Variants in PDE4D observed in about 807,000 individuals in gnomAD.
The protein encoded by PDE4D is 3',5'-cyclic-AMP phosphodiesterase 4D.
In PDE4D, 24 loss-of-function variants were observed where a neutral mutation model predicts 87.4. That is an observed-to-expected ratio of 0.27 (90% CI 0.20 to 0.39). The LOEUF (loss-of-function observed/expected upper bound fraction) is 0.39. PDE4D is among the 10% of genes least tolerant of loss of function. PDE4D has a pLI of 1.00. For synonymous variants in PDE4D, 384 were observed against 383.2 expected (o/e 1.00, Z -0.02); for missense variants, 714 against 1,041.0 (o/e 0.69, Z 4.32).
chr5:59,250,767 C>T (rs10039990), intron 1 of PDE4D, among the ~76,000 whole-genome samples: 7,124 of 152,092 alleles, frequency 0.047, 236 homozygotes, highest in African/African-American at 0.09. Context: ...ATCACCTTGC[C>T]CAACTTCAAA....
At chr5:59,624,751 AT>A (rs1830704480) in intron 1 of PDE4D, among the ~76,000 whole-genome samples, 1 of 152,218 alleles carries the variant, frequency 6.6e-6, no homozygotes, top group South Asian at 2.1e-4. Context: ...AACTCTTAGC[AT>A]TCCTTTAAGC....
chr5:59,933,787 T>A (rs902744207), intron 3 of PDE4D, among the ~76,000 whole-genome samples: 13 of 109,418 alleles, frequency 1.2e-4, no homozygotes, highest in Non-Finnish European at 2.3e-4. Context: ...TATATATATA[T>A]ATATTAATAA....
At chr5:59,921,676 T>C (rs946968328) in intron 3 of PDE4D, among the ~76,000 whole-genome samples, 6 of 152,212 alleles carry the variant, frequency 3.9e-5, no homozygotes, top group African/African-American at 1.4e-4. Context: ...TCCAGAATTC[T>C]AATTTTGCAT....
chr5:60,071,012 C>G (rs1772655374), intron 2 of PDE4D, among the ~76,000 whole-genome samples: 3 of 151,768 alleles, frequency 2.0e-5, no homozygotes, highest in Admixed American at 6.6e-5. Flanking sequence ...TATTTTGTGG[C>G]ATCATTTGTG....
At chr5:59,827,927 A>T (rs775766826) in intron 1 of PDE4D, among the ~76,000 whole-genome samples, 63 of 152,272 alleles carry the variant, frequency 4.1e-4, no homozygotes, top group Non-Finnish European at 8.5e-4. Flanking sequence ...TTGTATTAAG[A>T]CAGTTAATTG....
intron 6 of PDE4D, among the ~76,000 whole-genome samples, chr5:59,023,724 T>G (rs920224374): frequency 6.6e-6 from 1 of 152,122 alleles, no homozygotes; most frequent in Non-Finnish European, 1.5e-5. Flanking sequence ...ATTAGAGATT[T>G]AAGGTTTGAG....
At chr5:60,392,428 A>T (rs573223068) in intron 1 of PDE4D, among the ~76,000 whole-genome samples, 3 of 152,224 alleles carry the variant, frequency 2.0e-5, no homozygotes, top group South Asian at 4.1e-4. Flanking sequence ...ATTGAGAAAC[A>T]GGTAAGCCTC....
chr5:58,979,449 G>A (rs1744582763), intron 11 of PDE4D, among the ~76,000 whole-genome samples: 2 of 152,160 alleles, frequency 1.3e-5, no homozygotes, highest in African/African-American at 4.8e-5. Context: ...TCTCAAGGAA[G>A]TTATTTAACT....
At chr5:60,228,654 G>A (rs771488208) in intron 1 of PDE4D, among the ~76,000 whole-genome samples, 2 of 151,810 alleles carry the variant, frequency 1.3e-5, no homozygotes, top group Non-Finnish European at 1.5e-5. Context: ...AAGAAGGCCT[G>A]GAAATTTTTA....
At chr5:60,353,557 A>G (rs1019374720) in intron 1 of PDE4D, among the ~76,000 whole-genome samples, 1 of 152,158 alleles carries the variant, frequency 6.6e-6, no homozygotes, top group African/African-American at 2.4e-5. Context: ...CATGTCAACT[A>G]AAGGATGCTT....
intron 1 of PDE4D, among the ~76,000 whole-genome samples, chr5:59,501,276 C>A (rs1808247470): frequency 6.6e-6 from 1 of 152,112 alleles, no homozygotes. Flanking sequence ...AAGAGCATAT[C>A]CTTTATCTGT....
chr5:59,493,129 G>T (rs1313639789), intron 1 of PDE4D, among the ~76,000 whole-genome samples: 1 of 152,118 alleles, frequency 6.6e-6, no homozygotes, highest in African/African-American at 2.4e-5. Flanking sequence ...TTAATTGTCA[G>T]ATTGGTACCA....
At chr5:59,672,791 A>G (rs1381378636) in intron 1 of PDE4D, among the ~76,000 whole-genome samples, 1 of 152,168 alleles carries the variant, frequency 6.6e-6, no homozygotes, top group Non-Finnish European at 1.5e-5. Context: ...AAAAAAGATA[A>G]AGGGAAGGAT....
At chr5:59,413,671 T>C (rs932790180) in intron 1 of PDE4D, among the ~76,000 whole-genome samples, 1 of 152,100 alleles carries the variant, frequency 6.6e-6, no homozygotes, top group Non-Finnish European at 1.5e-5. Flanking sequence ...AGATGTGATA[T>C]GCGGGAAATA....
intron 2 of PDE4D, among the ~76,000 whole-genome samples, chr5:60,081,517 T>C (rs966820886): frequency 2.0e-5 from 3 of 152,152 alleles, no homozygotes; most frequent in African/African-American, 7.2e-5. Context: ...AGCTTTCTTA[T>C]GTGGGCATTT....
At chr5:59,607,702 T>C (rs1477892665) in intron 1 of PDE4D, among the ~76,000 whole-genome samples, 3 of 151,854 alleles carry the variant, frequency 2.0e-5, no homozygotes, top group African/African-American at 4.8e-5. Context: ...GAGCATACTA[T>C]AATTAGAGGT....
rs138274381 is a variant in PDE4D, at chr5:59,007,922, G to A, written c.922-14457C>T. On this transcript the variant is annotated intron_variant, in intron 6 of 14. Coordinates refer to ENST00000340635, the MANE Select transcript of PDE4D (RefSeq NM_001104631.2). ...AACCATTTTTGCTAAGAGGCTCCTT[G>A]AAGCTGAAATAACATGAGACTGATC... 2.0e-5 allele frequency among the ~76,000 whole-genome samples: 3 copies of A among 152,146 alleles called. No individual in the cohort carries two copies. The East Asian group carries it at 5.8e-4, about 29-fold the overall frequency.
chr5:60,152,752 G>A (rs911256870), intron 2 of PDE4D, among the ~76,000 whole-genome samples: 2 of 151,450 alleles, frequency 1.3e-5, no homozygotes, highest in Admixed American at 1.3e-4. Flanking sequence ...AATCTCATTT[G>A]TTATTGGTCT....
chr5:59,384,265 T>G (rs1786515722), intron 1 of PDE4D, among the ~76,000 whole-genome samples: 2 of 152,306 alleles, frequency 1.3e-5, no homozygotes, highest in South Asian at 4.1e-4. Flanking sequence ...TTAGCGATAC[T>G]GGCTCTCTCT....
Sources: gnomAD v4.1 joint callset for allele counts (sites outside exome capture counted in the v4.1 genomes callset) on GRCh38, gnomAD v4.1.1 for gene constraint, MANE v1.5 for transcripts, NCBI Gene and HGNC (gene_info 2026-07-23, HGNC 2026-07-21) for gene names.